Variants in SLC4A8 observed in about 807,000 individuals in gnomAD.
The protein encoded by SLC4A8 is solute carrier family 4 member 8, also known as electroneutral sodium bicarbonate exchanger 1.
Under a neutral mutation model 125.0 loss-of-function variants are expected in SLC4A8, and 40 were observed. The ratio of observed to expected loss-of-function variants is 0.32; its 90% CI spans 0.25 to 0.42. SLC4A8 has a LOEUF of 0.42. SLC4A8 is among the 10% of genes least tolerant of loss of function. The probability of loss-of-function intolerance (pLI) is 1.00; values close to 1 mark genes in which losing one functional copy is unlikely to be tolerated. For missense variants in SLC4A8, 863 were observed against 1,355.1 expected, an observed-to-expected ratio of 0.64 and a Z score of 5.70; for synonymous variants, 456 against 476.0, an observed-to-expected ratio of 0.96 and a Z score of 0.55.
At chr12:51,482,580 G>A (rs377348140) in intron 16 of SLC4A8, among the ~76,000 whole-genome samples, 5 of 152,062 alleles carry the variant, frequency 3.3e-5, no homozygotes, top group African/African-American at 1.2e-4. Context: ...GAGTTTCACC[G>A]TGTTGGCCAG....
intron 16 of SLC4A8, among the ~76,000 whole-genome samples, chr12:51,483,049 G>T (rs1022215329): frequency 1.3e-5 from 2 of 152,084 alleles, no homozygotes; most frequent in East Asian, 3.9e-4. Flanking sequence ...ATTCTTTTGT[G>T]GTTCCCCCCA....
At chr12:51,437,551 C>T (rs1264525084) in intron 1 of SLC4A8, among the ~76,000 whole-genome samples, 1 of 152,168 alleles carries the variant, frequency 6.6e-6, no homozygotes, top group Non-Finnish European at 1.5e-5. Flanking sequence ...TATACACCAG[C>T]TTCCCTTTTG....
At chr12:51,450,728 T>G in intron 2 of SLC4A8, 148 bp from the exon 3 acceptor site, 3 of 802,766 alleles carry the variant, frequency 3.7e-6, no homozygotes, top group South Asian at 3.5e-5. Context: ...TCTTTACTCC[T>G]GGAAGTCTTT....
rs867186966 is a variant in SLC4A8, at chr12:51,453,435, G to A, written c.414-104G>A. 1.9e-5 allele frequency: 22 copies of A among 1,187,574 alleles called. 1 individual carries two copies. In the Middle Eastern group the frequency reaches 2.8e-3, roughly 152 times the overall value. 73.6% of individuals were successfully genotyped at this position (1,187,574 alleles called of 1,614,324 possible). A position where few individuals can be genotyped will look rare whatever the true frequency, so the allele number is the denominator to read the frequency against. ...TACAGATTAGATTTTACAATGTTCA[G>A]TATGACTATCCAGATATCTTCCTCT... On this transcript the variant is annotated intron_variant, in intron 4 of 24. Transcript: ENST00000453097.
upstream of SLC4A8, among the ~76,000 whole-genome samples, chr12:51,421,629 G>A (rs1948791561): frequency 6.6e-6 from 1 of 152,180 alleles, no homozygotes; most frequent in Admixed American, 6.5e-5. Context: ...TTCCAGGGGA[G>A]TGGGGGATGT....
rs772782941 is a variant in SLC4A8, at chr12:51,440,840, G to T, written c.130+51G>T. 19 of 1,466,426 alleles carry T rather than the reference G, an allele frequency of 1.3e-5. 1 individual carries two copies. The East Asian group carries it at 4.3e-4, about 33-fold the overall frequency. 90.8% of individuals were successfully genotyped at this position (1,466,426 alleles called of 1,614,324 possible). On this transcript the variant is annotated intron_variant, in intron 2 of 24. Coordinates refer to ENST00000453097, the MANE Select transcript of SLC4A8 (RefSeq NM_001039960.3). The stretch of plus-strand genomic sequence containing the variant: ...AGGGAAATTGGTGAGGGGCAGCCTG[G>T]TGTGGGAAGACCTGGCTCTGTGTCC...
chr12:51,458,929 CA>C (rs1433122777), intron 7 of SLC4A8, among the ~76,000 whole-genome samples: 1 of 152,172 alleles, frequency 6.6e-6, no homozygotes, highest in Non-Finnish European at 1.5e-5. Flanking sequence ...CTTGATTTTT[CA>C]ATTATTTTTT....
rs1230484990 is a variant in SLC4A8 at position 51,400,775 on chromosome 12, TATAC to T, written c.-112+9297_-112+9300del. On this transcript the variant is annotated intron_variant, in intron 1 of 24. Transcript: ENST00000358657. ...ATATATATATATATATATATATATA[TATAC>T]ATACATACACACACACACACACATA... is the stretch of plus-strand genomic sequence containing the variant. 7.9e-3 allele frequency among the ~76,000 whole-genome samples: 41 copies of T among 5,206 alleles called. 8 individuals are homozygous for T. Among genetic ancestry groups the T allele is most frequent in the Admixed American group, 0.023 (9 of 384 alleles). 3.4% of individuals were successfully genotyped at this position (5,206 alleles called of 152,430 possible).
At chr12:51,400,773 T>TAC (rs1948366967) in intron 1 of SLC4A8, among the ~76,000 whole-genome samples, 2 of 4,490 alleles carry the variant, frequency 4.5e-4, no homozygotes, top group South Asian at 0.024. Flanking sequence ...TATATATATA[T>TAC]ATATACATAC....
At position 51,462,405 on chromosome 12, in the gene SLC4A8, A is replaced by G. The variant is rs1472545912; in HGVS notation, c.1197A>G (p.Gly399=). 1.2e-6 allele frequency: 2 copies of G among 1,606,454 alleles called. No individual in the cohort carries two copies. Among genetic ancestry groups the G allele is most frequent in the Admixed American group, 3.4e-5 (2 of 57,972 alleles). Residue 399 remains glycine, a synonymous_variant, in exon 10 of 25, where the codon GGA becomes GGG. Transcript: ENST00000453097. Reference sequence around the variant, plus strand: ...ACCAGGTGACGGTGCTCCCTCCAGGAGAGTGGGATCCCTCCATTAGAATTG... The same window carrying G: ...ACCAGGTGACGGTGCTCCCTCCAGGGGAGTGGGATCCCTCCATTAGAATTG... ...FLDQVTVLPP[G]EWDPSIRIEP...
intron 1 of SLC4A8, among the ~76,000 whole-genome samples, chr12:51,396,978 G>A (rs141649987): frequency 0.011 from 1,428 of 130,120 alleles, 25 homozygotes; most frequent in African/African-American, 0.039. Context: ...CGCCCAGGCT[G>A]GAATGCAGTC....
chr12:51,398,092 C>G (rs1317311080), intron 1 of SLC4A8, among the ~76,000 whole-genome samples: 1 of 152,110 alleles, frequency 6.6e-6, no homozygotes, highest in South Asian at 2.1e-4. Context: ...CTTATTTTTA[C>G]AAGTGAGAAT....
At chr12:51,406,651 C>T (rs749894138) in intron 1 of SLC4A8, among the ~76,000 whole-genome samples, 36 of 152,296 alleles carry the variant, frequency 2.4e-4, no homozygotes, top group Non-Finnish European at 3.7e-4. Context: ...ATTTGTGTGA[C>T]GTTGGTGGCC....
intron 21 of SLC4A8, among the ~76,000 whole-genome samples, chr12:51,495,451 T>TTTTC (rs967672730): frequency 2.0e-5 from 3 of 149,678 alleles, no homozygotes; most frequent in African/African-American, 7.3e-5. Flanking sequence ...GGCTAATTTC[T>TTTTC]TTTCTTTCTT....
chr12:51,440,015 T>C (rs1334921821), intron 1 of SLC4A8, among the ~76,000 whole-genome samples: 1 of 152,110 alleles, frequency 6.6e-6, no homozygotes. Context: ...AGTAGAGAGC[T>C]CTTTCTTGGA....
Position 51,497,033 on chromosome 12 carries a change from C to T in SLC4A8, c.2990C>T (p.Ser997Phe), listed in dbSNP as rs753564411. The change falls in exon 22 of 25, where the codon TCT becomes TTT. Residue 997 changes from serine (S) to phenylalanine (F), a missense_variant. Transcript: ENST00000453097. ...FVRKVMDLCF[S>F]KRELSWLDDL... ...AGGAAAGTCATGGATCTCTGTTTCT[C>T]TAAGCGAGAGCTGAGCTGGCTAGAT... is the stretch of plus-strand genomic sequence containing the variant. 7 of 1,613,704 alleles carry T rather than the reference C, an allele frequency of 4.3e-6. No homozygotes were observed. The highest frequency in any genetic ancestry group is 1.3e-5 in the African/African-American group (1 of 74,830).
intron 1 of SLC4A8, among the ~76,000 whole-genome samples, chr12:51,396,003 A>G (rs1423339365): frequency 1.3e-5 from 2 of 152,228 alleles, no homozygotes; most frequent in Admixed American, 1.3e-4. Flanking sequence ...GAACCCAAGC[A>G]GAGCTGCTCC....
Position 51,450,869 on chromosome 12 carries a change from T to C in SLC4A8, c.131-7T>C, listed in dbSNP as rs1949942460. 1.9e-6 allele frequency: 3 copies of C among 1,613,514 alleles called. No individual in the cohort carries two copies. Among genetic ancestry groups the C allele is most frequent in the Non-Finnish European group, 2.5e-6 (3 of 1,179,702 alleles). On this transcript the variant is annotated splice_region_variant and splice_polypyrimidine_tract_variant and intron_variant, in intron 2 of 24. Transcript: ENST00000453097. ...GTTCTCTCCACAGACCTTCTGCTTC[T>C]TTCCAGGTCACAGAACTCTGTATGT...
At chr12:51,403,336 T>C (rs1223120352) in intron 1 of SLC4A8, 1 of 433,406 alleles carries the variant, frequency 2.3e-6, no homozygotes, top group Admixed American at 2.4e-5. Context: ...AAGCGTTACT[T>C]ACTCATTTCC....
Sources: gnomAD v4.1 joint callset for allele counts (sites outside exome capture counted in the v4.1 genomes callset) on GRCh38, gnomAD v4.1.1 for gene constraint, MANE v1.5 for transcripts, NCBI Gene and HGNC (gene_info 2026-07-23, HGNC 2026-07-21) for gene names.